Variants in FADS1 observed in about 807,000 individuals in gnomAD.
FADS1 encodes fatty acid desaturase 1.
Under a neutral mutation model 61.6 loss-of-function variants are expected in FADS1, and 17 were observed. The ratio of observed to expected loss-of-function variants is 0.28; its 90% CI spans 0.19 to 0.41. The LOEUF is 0.41. Among genes scored for constraint, FADS1 ranks in the 10% least tolerant of loss-of-function variants. FADS1 has a pLI of 1.00. For missense variants in FADS1, 387 were observed against 650.9 expected (o/e 0.59, Z 4.41); for synonymous variants, 238 against 258.7 (o/e 0.92, Z 0.77).
chr11:61,816,825 G>C lies in FADS1; in HGVS notation c.105C>G (p.Ser35Arg), dbSNP rs1455482386. 4.0e-5 allele frequency: 60 copies of C among 1,488,800 alleles called. No individual in the cohort carries two copies. The highest frequency in any genetic ancestry group is 5.1e-5 in the Non-Finnish European group (58 of 1,129,630). The allele number at this position is 1,488,800 out of a possible 1,614,324, so 92.2% of individuals were successfully genotyped here. Residue 35 changes from serine to arginine, a missense_variant, in exon 1 of 12, where the codon AGC becomes AGG. Transcript: ENST00000350997. This position sits in a 1 kb window ranked among gnomAD's most constrained non-coding sequence, Gnocchi z 7.0. ...TCAGGCGCGTGCTCGGGGTCCGCGG[G>C]CTCCAGGAGTGGATTTGCTGGCGCG... ...LGARQQIHSW[S>R]PRTPSTRLTA... is the part of the protein sequence containing the mutation.
intron 6 of FADS1, 80 bp downstream of exon 6, chr11:61,806,584 C>A: frequency 1.6e-6 from 2 of 1,284,058 alleles, no homozygotes; most frequent in Non-Finnish European, 2.3e-6. Context: ...ATACCATAAT[C>A]CCTTGGACAG....
chr11:61,812,581 A>G lies in FADS1; in HGVS notation c.574T>C (p.Tyr192His), dbSNP rs2066939226. 1.2e-6 allele frequency: 2 copies of G among 1,614,076 alleles called. No homozygotes were observed. Among genetic ancestry groups the G allele is most frequent in the Non-Finnish European group, 1.7e-6 (2 of 1,180,032 alleles). The change falls in exon 3 of 12, where the codon TAC becomes CAC. Residue 192 changes from tyrosine to histidine, a missense_variant. Coordinates refer to ENST00000350997, the MANE Select transcript of FADS1 (RefSeq NM_013402.7). ...MKANHVFFLL[Y>H]LLHILLLDGA... ...TCCAGCAGCAAGATGTGCAGCAGGT[A>G]CAGCAGGAAGAAGACATGGTTGGCC...
rs914789857 is a variant in FADS1 at position 61,800,190 on chromosome 11, TTTG to T, written c.*2218_*2220del. On this transcript the variant is annotated 3_prime_UTR_variant, in exon 12 of 12. Transcript: ENST00000350997. ...AGGTACAACTCCTCAATTCTAAGTT[TTTG>T]TTGTTTTTTTTTTTTTTGAGACAGG... The T allele has an allele frequency of 6.6e-6, 1 of 152,584 alleles. No individual in the cohort carries two copies. The highest frequency in any genetic ancestry group is 2.4e-5 in the African/African-American group (1 of 41,312). The allele number at this position is 152,584 out of a possible 1,614,324, so 9.5% of individuals were successfully genotyped here.
chr11:61,802,696 C>T lies in FADS1; in HGVS notation c.1454+105G>A, dbSNP rs769857419. ...TTGCCATGGTGAACTCCATCCCACA[C>T]GACTGGGAACACCTTCTGTTCACTC... On this transcript the variant is annotated intron_variant, in intron 11 of 11. Transcript: ENST00000350997. The surrounding 1 kb of genome is among the most constrained non-coding windows in gnomAD (Gnocchi z 4.2). The T allele has an allele frequency of 4.7e-5, 72 of 1,522,042 alleles. No homozygotes were observed. Among genetic ancestry groups the T allele is most frequent in the African/African-American group, 2.5e-4 (18 of 73,316 alleles). 94.3% of individuals were successfully genotyped at this position (1,522,042 alleles called of 1,614,324 possible).
chr11:61,814,189 C>G (rs528836379), intron 1 of FADS1: 7 of 152,764 alleles, frequency 4.6e-5, no homozygotes, highest in African/African-American at 1.4e-4. Context: ...ACCACGAGCC[C>G]ACCTGAAGGA....
Position 61,802,174 on chromosome 11 carries a change from T to C in FADS1, c.*237A>G. 1 of 541,338 alleles carries C rather than the reference T, an allele frequency of 1.8e-6. No homozygotes were observed. 33.5% of individuals were successfully genotyped at this position (541,338 alleles called of 1,614,324 possible). On this transcript the variant is annotated 3_prime_UTR_variant, in exon 12 of 12. Coordinates refer to ENST00000350997, the MANE Select transcript of FADS1 (RefSeq NM_013402.7). This position sits in a 1 kb window ranked among gnomAD's most constrained non-coding sequence, Gnocchi z 4.2. ...TGCCAAACTAGAAAAAGGAAATAAT[T>C]TACACCCCTGCCCCAACAGCTCCTT...
Position 61,806,660 on chromosome 11 carries a change from T to A in FADS1, c.976+4A>T. The A allele has an allele frequency of 6.2e-7, 1 of 1,613,540 alleles. No individual in the cohort carries two copies. The highest frequency in any genetic ancestry group is 8.5e-7 in the Non-Finnish European group (1 of 1,179,432). ...GCTCCCCTGTGTTGGATGGGGACAC[T>A]CACTTAGGAAGAAGTATTTGTGCTG... On this transcript the variant is annotated splice_donor_region_variant and intron_variant, in intron 6 of 11. Transcript: ENST00000350997.
In FADS1 at chr11:61,816,839, T is replaced by G. The variant is rs976308184; in HGVS notation, c.91A>C (p.Ile31Leu). ...RRLALGARQQ[I>L]HSWSPRTPST... The stretch of plus-strand genomic sequence containing the variant: ...GGGGTCCGCGGGCTCCAGGAGTGGA[T>G]TTGCTGGCGCGCGCCCAGAGCCAGC... Residue 31 changes from isoleucine (I) to leucine (L), a missense_variant, in exon 1 of 12, where the codon ATC becomes CTC. Ile to Leu is a conservative substitution (Grantham distance 5). Around this residue, in one of 2 missense-constraint regions of FADS1, gnomAD observed 130 missense variants for 117.7 expected, o/e 1.10. Coordinates refer to ENST00000350997, the MANE Select transcript of FADS1 (RefSeq NM_013402.7). This position sits in a 1 kb window ranked among gnomAD's most constrained non-coding sequence, Gnocchi z 7.0. 15 of 1,488,576 alleles carry G rather than the reference T, an allele frequency of 1.0e-5. No individual in the cohort carries two copies. Among genetic ancestry groups the G allele is most frequent in the Non-Finnish European group, 1.2e-5 (13 of 1,129,458 alleles). 92.2% of individuals were successfully genotyped at this position (1,488,576 alleles called of 1,614,324 possible).
chr11:61,806,839 G>T, intron 5 of FADS1, 115 bp from the exon 6 acceptor site: 1 of 928,296 alleles, frequency 1.1e-6, no homozygotes, highest in Non-Finnish European at 1.8e-6. Flanking sequence ...GCTTGTTGGT[G>T]CTATTGGAAA....
Position 61,802,116 on chromosome 11 carries a change from C to A in FADS1, c.*295G>T. 1 of 390,942 alleles carries A rather than the reference C, an allele frequency of 2.6e-6. No individual in the cohort carries two copies. Among genetic ancestry groups the A allele is most frequent in the Non-Finnish European group, 4.8e-6 (1 of 209,186 alleles). 24.2% of individuals were successfully genotyped at this position (390,942 alleles called of 1,614,324 possible). ...TAGGTCCCTCCTCTTCTGTTACCCT[C>A]CTGGTTCTCTCTGTTCACCAACTAC... is the stretch of plus-strand genomic sequence containing the variant. On this transcript the variant is annotated 3_prime_UTR_variant, in exon 12 of 12. Transcript: ENST00000350997. This position sits in a 1 kb window ranked among gnomAD's most constrained non-coding sequence, Gnocchi z 4.2.
chr11:61,810,998 A>G lies in FADS1; in HGVS notation c.762T>C (p.His254=), dbSNP rs200393821. The change falls in exon 4 of 12, where the codon CAT becomes CAC. Residue 254 remains histidine (H), a synonymous_variant. Coordinates refer to ENST00000350997, the MANE Select transcript of FADS1 (RefSeq NM_013402.7). ...FSTSKWNHLL[H]HFVIGHLKGA... ...CCTTCAGGTGGCCAATCACAAAATGATGTAGCAGATGGTTCCACTTTGAGG... is the reference window on the plus strand; with the variant it reads ...CCTTCAGGTGGCCAATCACAAAATGGTGTAGCAGATGGTTCCACTTTGAGG... 1 of 1,614,080 alleles carries G rather than the reference A, an allele frequency of 6.2e-7. No homozygotes were observed. Among genetic ancestry groups the G allele is most frequent in the Non-Finnish European group, 8.5e-7 (1 of 1,180,004 alleles).
Position 61,810,998 on chromosome 11 carries a change from A to T in FADS1, c.762T>A (p.His254Gln), listed in dbSNP as rs200393821. The part of the protein sequence containing the change: ...FSTSKWNHLL[H>Q]HFVIGHLKGA... ...CCTTCAGGTGGCCAATCACAAAATGATGTAGCAGATGGTTCCACTTTGAGG... is the reference window on the plus strand; with the variant it reads ...CCTTCAGGTGGCCAATCACAAAATGTTGTAGCAGATGGTTCCACTTTGAGG... Residue 254 changes from histidine (H) to glutamine (Q), a missense_variant, in exon 4 of 12, where the codon CAT becomes CAA. This residue lies in a region of FADS1 where 257 missense variants were observed against 533.3 expected (regional missense o/e 0.48). Coordinates refer to ENST00000350997, the MANE Select transcript of FADS1 (RefSeq NM_013402.7). 1 of 1,614,080 alleles carries T rather than the reference A, an allele frequency of 6.2e-7. No homozygotes were observed. The highest frequency in any genetic ancestry group is 8.5e-7 in the Non-Finnish European group (1 of 1,180,004).
Position 61,801,991 on chromosome 11 carries a change from C to T in FADS1, c.*420G>A, listed in dbSNP as rs1420913579. On this transcript the variant is annotated 3_prime_UTR_variant, in exon 12 of 12. Transcript: ENST00000350997. The stretch of plus-strand genomic sequence containing the variant: ...CACCTCCCCGGTTCAAGCGATTCTC[C>T]TGCCTCAGCCTCCTGGGTAGCTGGG... The T allele has an allele frequency of 5.1e-6, 1 of 195,724 alleles. No homozygotes were observed. Among genetic ancestry groups the T allele is most frequent in the Non-Finnish European group, 1.1e-5 (1 of 94,000 alleles). 12.1% of individuals were successfully genotyped at this position (195,724 alleles called of 1,614,324 possible).
In FADS1 at chr11:61,815,067, C is replaced by A. The variant is rs2066966106; in HGVS notation, c.375+1488G>T. 1 of 156,386 alleles carries A rather than the reference C, an allele frequency of 6.4e-6. No homozygotes were observed. 9.7% of individuals were successfully genotyped at this position (156,386 alleles called of 1,614,324 possible). ...ACTCTGGCCACCCCCTGCCCCAAGG[C>A]AGCTACTTTGGGTTGTGCAAGGTAA... On this transcript the variant is annotated intron_variant, in intron 1 of 11. Coordinates refer to ENST00000350997, the MANE Select transcript of FADS1 (RefSeq NM_013402.7). This position sits in a 1 kb window ranked among gnomAD's most constrained non-coding sequence, Gnocchi z 6.4.
In FADS1 at chr11:61,802,021, CAGG is replaced by C. The variant is rs2066858935; in HGVS notation, c.*387_*389del. The C allele has an allele frequency of 9.1e-6, 2 of 220,836 alleles. No homozygotes were observed. The highest frequency in any genetic ancestry group is 1.8e-5 in the Non-Finnish European group (2 of 109,240). 13.7% of individuals were successfully genotyped at this position (220,836 alleles called of 1,614,324 possible). A position where few individuals can be genotyped will look rare whatever the true frequency, so the allele number is the denominator to read the frequency against. ...TCAGCCTCCTGGGTAGCTGGGATTA[CAGG>C]CGCGTGCCACCACGCCCGGCATGAG... On this transcript the variant is annotated 3_prime_UTR_variant, in exon 12 of 12. Coordinates refer to ENST00000350997, the MANE Select transcript of FADS1 (RefSeq NM_013402.7). This position sits in a 1 kb window ranked among gnomAD's most constrained non-coding sequence, Gnocchi z 4.2.
At chr11:61,806,490 G>A (rs2066895759) in intron 6 of FADS1, 174 bp downstream of exon 6, 9 of 623,802 alleles carry the variant, frequency 1.4e-5, no homozygotes, top group East Asian at 1.4e-4. Context: ...ACTTCACTTC[G>A]CTCAGCTGAG....
At chr11:61,809,985 C>T (rs1406353728) in intron 5 of FADS1, among the ~76,000 whole-genome samples, 3 of 152,256 alleles carry the variant, frequency 2.0e-5, no homozygotes, top group Admixed American at 6.5e-5. Flanking sequence ...TTTAATTCCT[C>T]GCAAGCTGAA....
chr11:61,816,302 C>A lies in FADS1; in HGVS notation c.375+253G>T, dbSNP rs570597167. 4.4e-6 allele frequency: 7 copies of A among 1,598,344 alleles called. No individual in the cohort carries two copies. Among genetic ancestry groups the A allele is most frequent in the Non-Finnish European group, 8.5e-7 (1 of 1,179,764 alleles). ...GCAGATGGAATGCACGGCAGGGAGG[C>A]GGGACCCTTTGTTTGTGTGTGCGTG... On this transcript the variant is annotated intron_variant, in intron 1 of 11. Coordinates refer to ENST00000350997, the MANE Select transcript of FADS1 (RefSeq NM_013402.7). This position sits in a 1 kb window ranked among gnomAD's most constrained non-coding sequence, Gnocchi z 7.0.
Position 61,803,595 on chromosome 11 carries a change from C to G in FADS1, c.1151+75G>C, listed in dbSNP as rs1428423711. ...CACCCACTGTTACCCAAAGCCCCAG[C>G]ACGGCCCCTAGACCAGACTGGTCAC... On this transcript the variant is annotated intron_variant, in intron 8 of 11. Coordinates refer to ENST00000350997, the MANE Select transcript of FADS1 (RefSeq NM_013402.7). The surrounding 1 kb of genome is among the most constrained non-coding windows in gnomAD (Gnocchi z 4.3). 3.6e-6 allele frequency: 5 copies of G among 1,406,958 alleles called. No individual in the cohort carries two copies. The highest frequency in any genetic ancestry group is 1.7e-5 in the Admixed American group (1 of 59,612). 87.2% of individuals were successfully genotyped at this position (1,406,958 alleles called of 1,614,324 possible). A position where few individuals can be genotyped will look rare whatever the true frequency, so the allele number is the denominator to read the frequency against.
Sources: gnomAD v4.1 joint callset for allele counts (sites outside exome capture counted in the v4.1 genomes callset) on GRCh38, gnomAD v4.1.1 for gene constraint, gnomAD v4.1.1 regional missense constraint, Gnocchi (gnomAD v3.1) non-coding constraint, MANE v1.5 for transcripts, NCBI Gene and HGNC (gene_info 2026-07-23, HGNC 2026-07-21) for gene names.